HEPH: variants seen among roughly 807,000 people sequenced by gnomAD.
HEPH encodes the protein hephaestin.
In HEPH, 69 loss-of-function variants were observed where a neutral mutation model predicts 80.8. That is an observed-to-expected ratio of 0.85 (90% CI 0.70 to 1.04). The LOEUF is 1.04. HEPH is among the 50% of genes least tolerant of loss of function. HEPH has a pLI of 0.00. For synonymous variants in HEPH, 431 were observed against 322.8 expected (o/e 1.34, Z -3.60); for missense variants, 1,115 against 891.3 (o/e 1.25, Z -3.20).
chrX:66,265,654 A>G (rs2091515432), intron 20 of HEPH, among the ~76,000 whole-genome samples: 1 of 111,654 alleles, frequency 9.0e-6, no homozygotes, highest in African/African-American at 3.3e-5. Context: ...GACATGTAAA[A>G]TTTAAGGTAG....
At chrX:66,268,188 A>T (rs1458162696), downstream of HEPH, 3 of 111,981 alleles carry the variant, frequency 2.7e-5, no homozygotes, top group Non-Finnish European at 5.6e-5. Flanking sequence ...ATCCTCATAT[A>T]TCATGGAAAC....
chrX:66,228,168 G>A (rs1448128780), intron 15 of HEPH, among the ~76,000 whole-genome samples: 3 of 111,646 alleles, frequency 2.7e-5, no homozygotes, highest in African/African-American at 9.8e-5. Flanking sequence ...AGAAGAGAAT[G>A]AAAATCAAGC....
chrX:66,199,699 C>T (rs776144299), intron 11 of HEPH, among the ~76,000 whole-genome samples: 2 of 111,944 alleles, frequency 1.8e-5, no homozygotes, highest in South Asian at 7.5e-4. Context: ...CAATCCATGG[C>T]AACTGATACT....
chrX:66,207,183 G>T lies in HEPH; in HGVS notation c.2292-12G>T. The T allele has an allele frequency of 8.5e-7, 1 of 1,176,098 alleles. No homozygotes were observed. Among genetic ancestry groups the T allele is most frequent in the Admixed American group, 2.3e-5 (1 of 44,420 alleles). ...TGGCCAGGTGCTGATAGTACTCTTT[G>T]GATTCCTCTAGTTATGGTTACATTT... On this transcript the variant is annotated splice_polypyrimidine_tract_variant and intron_variant, in intron 13 of 20. Transcript: ENST00000343002.
At chrX:66,258,152 A>T (rs979363373) in intron 17 of HEPH, among the ~76,000 whole-genome samples, 8 of 111,871 alleles carry the variant, frequency 7.2e-5, no homozygotes, top group African/African-American at 2.3e-4. Context: ...TTTCCTGCAT[A>T]TTAGGAACCT....
At chrX:66,242,238 T>C (rs1009482454) in intron 15 of HEPH, among the ~76,000 whole-genome samples, 1 of 111,339 alleles carries the variant, frequency 9.0e-6, no homozygotes, top group African/African-American at 3.3e-5. Flanking sequence ...ATCTGATCTT[T>C]TTTAAATATG....
In HEPH at chrX:66,195,078, C is replaced by T. The variant is rs765402509; in HGVS notation, c.1370-20C>T. ...TTATCCCTTTCATCATTCTCATTGT[C>T]TCTCCTTCCCATTTTCCAGGGCCAG... On this transcript the variant is annotated intron_variant, in intron 8 of 20. Coordinates refer to ENST00000343002, the MANE Select transcript of HEPH (RefSeq NM_001367233.3). The T allele has an allele frequency of 5.2e-6, 6 of 1,159,028 alleles. No individual in the cohort carries two copies. The African/African-American group carries it at 9.1e-5, about 18-fold the overall frequency.
chrX:66,244,160 G>C (rs1454124344), intron 15 of HEPH, among the ~76,000 whole-genome samples: 1 of 111,461 alleles, frequency 9.0e-6, no homozygotes, highest in Non-Finnish European at 1.9e-5. Flanking sequence ...ACTAGGAATA[G>C]TCATCTTGTA....
In HEPH at chrX:66,195,243, G is replaced by A. The variant is rs369898858; in HGVS notation, c.1501+14G>A. 3.5e-6 allele frequency: 4 copies of A among 1,148,408 alleles called. No homozygotes were observed. The highest frequency in any genetic ancestry group is 2.6e-5 in the Admixed American group (1 of 38,850). The allele number at this position is 1,148,408 out of a possible 1,213,427, so 94.6% of individuals were successfully genotyped here. ...TGTACAATGATGGTGAGCCAACAGG[G>A]TTTCTAGTAAATGTGGGCTCTAGGT... On this transcript the variant is annotated intron_variant, in intron 9 of 20. Transcript: ENST00000343002.
At position 66,236,178 on chromosome X, in the gene HEPH, C is replaced by A. The variant is rs576813124; in HGVS notation, c.2564-18857C>A. Among the ~76,000 whole-genome samples the A allele has an allele frequency of 2.9e-4, 32 of 111,560 alleles. 1 individual carries two copies. In the South Asian group the frequency reaches 0.011, roughly 40 times the overall value. On this transcript the variant is annotated intron_variant, in intron 15 of 20. Coordinates refer to ENST00000343002, the MANE Select transcript of HEPH (RefSeq NM_001367233.3). ...GAGTTGTGGGAGAGTGCATCCTCTT[C>A]TCGTGCTGGTTTTCAAGGGACAAAA...
chrX:66,215,663 G>C (rs1366330076), intron 15 of HEPH, among the ~76,000 whole-genome samples: 1 of 111,795 alleles, frequency 8.9e-6, no homozygotes, highest in Non-Finnish European at 1.9e-5. Flanking sequence ...GGGATGGACA[G>C]AGCAGCATGT....
Position 66,266,633 on chromosome X carries a change from C to G in HEPH, c.3438C>G (p.Ile1146Met). The G allele has an allele frequency of 2.5e-6, 3 of 1,207,738 alleles. No homozygotes were observed. Among genetic ancestry groups the G allele is most frequent in the Non-Finnish European group, 3.4e-6 (3 of 892,644 alleles). The change falls in exon 21 of 21, where the codon ATC becomes ATG. Residue 1146 changes from isoleucine to methionine, a missense_variant. By Grantham distance (10) the Ile-to-Met change is conservative (BLOSUM62 1). Coordinates refer to ENST00000343002, the MANE Select transcript of HEPH (RefSeq NM_001367233.3). ...QRKLRRNRRS[I>M]LDDSFKLLSF... ...AGCTACGACGCAATAGGAGGTCCATCCTGGATGACAGCTTCAAGCTTCTGT... is the reference window on the plus strand; with the variant it reads ...AGCTACGACGCAATAGGAGGTCCATGCTGGATGACAGCTTCAAGCTTCTGT...
intron 19 of HEPH, among the ~76,000 whole-genome samples, chrX:66,260,727 A>G (rs910385262): frequency 2.7e-5 from 3 of 111,431 alleles, no homozygotes; most frequent in Non-Finnish European, 5.7e-5. Flanking sequence ...CATTAAATTG[A>G]TTTGTTCTAT....
intron 13 of HEPH, among the ~76,000 whole-genome samples, chrX:66,203,832 G>T (rs2088615863): frequency 9.0e-6 from 1 of 111,684 alleles, no homozygotes. Context: ...TTAGCTGGAA[G>T]TATTTACCCT....
downstream of HEPH, chrX:66,268,321 A>G (rs1470954344): frequency 1.8e-5 from 2 of 112,382 alleles, no homozygotes; most frequent in Non-Finnish European, 3.8e-5. Context: ...GCTGGTGTTC[A>G]GTTACGATAT....
chrX:66,172,726 C>G lies in HEPH; in HGVS notation c.412+127C>G, dbSNP rs1210893789. 4.1e-6 allele frequency: 3 copies of G among 724,631 alleles called. No homozygotes were observed. The African/African-American group carries it at 6.5e-5, about 16-fold the overall frequency. The allele number at this position is 724,631 out of a possible 1,213,427, so 59.7% of individuals were successfully genotyped here. A position where few individuals can be genotyped will look rare whatever the true frequency, so the allele number is the denominator to read the frequency against. The stretch of plus-strand genomic sequence containing the variant: ...TCCTATTTATCTGAGGTGGCAAAGA[C>G]TCTCCTCAGAGTAAACAAGGGTGGG... On this transcript the variant is annotated intron_variant, in intron 3 of 20. Transcript: ENST00000343002.
At chrX:66,174,196 G>T (rs777885575) in intron 4 of HEPH, among the ~76,000 whole-genome samples, 1 of 110,060 alleles carries the variant, frequency 9.1e-6, no homozygotes, top group South Asian at 4.0e-4. Context: ...AAAGTCCATT[G>T]TATCATTCTT....
intron 1 of HEPH, among the ~76,000 whole-genome samples, chrX:66,166,312 G>A (rs1030657048): frequency 9.0e-6 from 1 of 111,253 alleles, no homozygotes; most frequent in Admixed American, 9.5e-5. Context: ...TCCTGCCTCA[G>A]CCTCCCGAGT....
intron 19 of HEPH, 109 bp from the exon 20 acceptor site, chrX:66,263,535 C>G: frequency 2.4e-6 from 2 of 831,260 alleles, no homozygotes; most frequent in African/African-American, 2.0e-5. Context: ...ATTTTGCTTA[C>G]TTAATCACAG....
Sources: allele counts gnomAD v4.1 joint callset (sites outside exome capture counted in the v4.1 genomes callset), GRCh38; gene constraint gnomAD v4.1.1; transcripts MANE v1.5; gene names NCBI Gene and HGNC (gene_info 2026-07-23, HGNC 2026-07-21).